Variants in COMMD10 observed in about 807,000 individuals in gnomAD.
COMMD10 encodes COMM domain containing 10.
COMMD10 carries 33 observed loss-of-function variants against 28.9 expected under a neutral mutation model. That is an observed-to-expected ratio of 1.14 (90% CI 0.87 to 1.53). The LOEUF (loss-of-function observed/expected upper bound fraction) is 1.53. Among genes scored for constraint, COMMD10 ranks in the 40% most tolerant of loss-of-function variants. The pLI is 0.00. For synonymous variants in COMMD10, 110 were observed against 81.7 expected, an observed-to-expected ratio of 1.35 and a Z score of -1.87; for missense variants, 310 against 233.4, an observed-to-expected ratio of 1.33 and a Z score of -2.14.
rs555194948 is a variant in COMMD10, at chr5:116,234,868, C to T, written c.511-56649C>T. 5.3e-5 allele frequency among the ~76,000 whole-genome samples: 8 copies of T among 152,172 alleles called. No homozygotes were observed. The South Asian group carries it at 1.0e-3, about 20-fold the overall frequency. On this transcript the variant is annotated intron_variant, in intron 5 of 6. Transcript: ENST00000274458. ...GCACAGGGAAGAGCTCACATGCAGCCGCAGGAGAGCTAGGGAAAAAGGGTG... is the reference window on the plus strand; with the variant it reads ...GCACAGGGAAGAGCTCACATGCAGCTGCAGGAGAGCTAGGGAAAAAGGGTG...
chr5:116,195,640 A>T (rs1387838271), intron 5 of COMMD10, among the ~76,000 whole-genome samples: 1 of 152,160 alleles, frequency 6.6e-6, no homozygotes, highest in African/African-American at 2.4e-5. Context: ...ACTACAAAAG[A>T]CTACTGAAAG....
In COMMD10 at chr5:116,292,460, A is replaced by G. The variant is rs141415135; in HGVS notation, c.580A>G (p.Ile194Val). The change falls in exon 7 of 7, where the codon ATA becomes GTA. Residue 194 changes from isoleucine (I) to valine (V), a missense_variant. By Grantham distance (29) the Ile-to-Val change is conservative. Coordinates refer to ENST00000274458, the MANE Select transcript of COMMD10 (RefSeq NM_016144.4). ...TTGTCTTTGTAAATAGCTAGAGACT[A>G]TACAAGCACAGCTGGATTCCCTTAC... The part of the protein sequence containing the change: ...LFDFYNKLET[I>V]QAQLDSLT 1.6e-5 allele frequency: 25 copies of G among 1,564,966 alleles called. No individual in the cohort carries two copies. The South Asian group carries it at 2.7e-4, about 17-fold the overall frequency.
In COMMD10 at chr5:116,261,131, A is replaced by G. The variant is rs1055218559; in HGVS notation, c.511-30386A>G. 1.3e-5 allele frequency among the ~76,000 whole-genome samples: 2 copies of G among 151,772 alleles called. 1 individual carries two copies. The highest frequency in any genetic ancestry group is 4.9e-5 in the African/African-American group (2 of 41,170). On this transcript the variant is annotated intron_variant, in intron 5 of 6. Transcript: ENST00000274458. ...AGTGCACCTGCATCCAAAACTGAGT[A>G]AAAACATATTTCAGGAAGAAAACTA...
chr5:116,171,007 G>C (rs909774016), intron 5 of COMMD10, among the ~76,000 whole-genome samples: 14 of 152,120 alleles, frequency 9.2e-5, no homozygotes, highest in Admixed American at 8.5e-4. Context: ...AAACTAAAGA[G>C]CTTCTGCACA....
At chr5:116,119,271 G>T (rs1432305138) in intron 4 of COMMD10, among the ~76,000 whole-genome samples, 1 of 152,204 alleles carries the variant, frequency 6.6e-6, no homozygotes, top group Non-Finnish European at 1.5e-5. Flanking sequence ...GACTTTTGTG[G>T]TGTCTAAACT....
chr5:116,285,232 G>A (rs539269645), intron 5 of COMMD10, among the ~76,000 whole-genome samples: 24 of 151,998 alleles, frequency 1.6e-4, no homozygotes, highest in African/African-American at 4.4e-4. Context: ...AAAAGCTACC[G>A]AACTCTTAAA....
chr5:116,193,309 C>G (rs1293141821), intron 5 of COMMD10, among the ~76,000 whole-genome samples: 1 of 152,128 alleles, frequency 6.6e-6, no homozygotes, highest in African/African-American at 2.4e-5. Context: ...GCAGTGGTAC[C>G]TCACATATCA....
chr5:116,111,078 A>G lies in COMMD10; in HGVS notation c.399+18378A>G, dbSNP rs551192384. The stretch of plus-strand genomic sequence containing the variant: ...AGTTTATGAACATGTAGTTGTTCAT[A>G]ATAGTCTCTGATGATCTTTTGAATT... On this transcript the variant is annotated intron_variant, in intron 4 of 6. Coordinates refer to ENST00000274458, the MANE Select transcript of COMMD10 (RefSeq NM_016144.4). Among the ~76,000 whole-genome samples the G allele has an allele frequency of 2.6e-5, 4 of 152,316 alleles. No homozygotes were observed. The East Asian group carries it at 7.7e-4, about 29-fold the overall frequency.
At chr5:116,245,514 A>G (rs1216583283) in intron 5 of COMMD10, among the ~76,000 whole-genome samples, 1 of 152,130 alleles carries the variant, frequency 6.6e-6, no homozygotes, top group Non-Finnish European at 1.5e-5. Context: ...CCCTGATACC[A>G]AAACCTGGCA....
intron 5 of COMMD10, among the ~76,000 whole-genome samples, chr5:116,273,708 C>T (rs1048736541): frequency 6.6e-6 from 1 of 151,606 alleles, no homozygotes; most frequent in African/African-American, 2.4e-5. Context: ...CTGAACAGTC[C>T]AGTTGAAATG....
chr5:116,114,112 G>C (rs560252413), intron 4 of COMMD10, among the ~76,000 whole-genome samples: 1 of 152,220 alleles, frequency 6.6e-6, no homozygotes, highest in Admixed American at 6.5e-5. Flanking sequence ...AGGATGTGGT[G>C]AAATTATGCT....
chr5:116,140,229 C>CTGTGTGTGTGTG lies in COMMD10; in HGVS notation c.510+6052_510+6053insGTGTGTGTGTGT, dbSNP rs113427747. On this transcript the variant is annotated intron_variant, in intron 5 of 6. Transcript: ENST00000274458. ...CCTTTTTCAAGGCTGACTCATACTA[C>CTGTGTGTGTGTG]TATGTGTGTGTGTGTGTGTGTGTGT... Among the ~76,000 whole-genome samples the CTGTGTGTGTGTG allele has an allele frequency of 5.5e-3, 677 of 122,302 alleles. 7 individuals carry two copies. Among genetic ancestry groups the CTGTGTGTGTGTG allele is most frequent in the African/African-American group, 0.026 (609 of 23,250 alleles). The allele number at this position is 122,302 out of a possible 152,430, so 80.2% of individuals were successfully genotyped here.
At chr5:116,202,081 C>T (rs1748682626) in intron 5 of COMMD10, among the ~76,000 whole-genome samples, 1 of 145,672 alleles carries the variant, frequency 6.9e-6, no homozygotes, top group South Asian at 2.2e-4. Flanking sequence ...GTTCCCCTTC[C>T]TGTGTCCATG....
intron 5 of COMMD10, among the ~76,000 whole-genome samples, chr5:116,134,996 A>G (rs1240923022): frequency 6.6e-6 from 1 of 152,224 alleles, no homozygotes; most frequent in Non-Finnish European, 1.5e-5. Context: ...ATTAAAGATC[A>G]AAGCATTGCT....
At chr5:116,186,542 A>G (rs184248156) in intron 5 of COMMD10, among the ~76,000 whole-genome samples, 11 of 152,218 alleles carry the variant, frequency 7.2e-5, no homozygotes, top group African/African-American at 2.4e-4. Flanking sequence ...GATCTTCTGA[A>G]GGAGGTTTAC....
intron 5 of COMMD10, among the ~76,000 whole-genome samples, chr5:116,209,051 T>A (rs1561668162): frequency 6.6e-6 from 1 of 152,172 alleles, no homozygotes; most frequent in Non-Finnish European, 1.5e-5. Flanking sequence ...ATCTGATTCC[T>A]CTTCCATGGC....
rs1385192950 is a variant in COMMD10, at chr5:116,291,558, G to A, written c.552G>A (p.Leu184=). The change falls in exon 6 of 7, where the codon TTG becomes TTA. Residue 184 remains leucine (L), a synonymous_variant. Transcript: ENST00000274458. ...TTGTGGAATTCAGTCACAAGGAGTTGTTTGATTTCTATAACAAGGTCTGTA... is the reference window on the plus strand; with the variant it reads ...TTGTGGAATTCAGTCACAAGGAGTTATTTGATTTCTATAACAAGGTCTGTA... The part of the protein sequence containing the change: ...KVLVEFSHKE[L]FDFYNKLETI... The A allele has an allele frequency of 1.9e-6, 3 of 1,593,812 alleles. No individual in the cohort carries two copies. The highest frequency in any genetic ancestry group is 1.3e-5 in the African/African-American group (1 of 74,486).
chr5:116,151,718 T>C (rs1561633291), intron 5 of COMMD10, among the ~76,000 whole-genome samples: 1 of 152,208 alleles, frequency 6.6e-6, no homozygotes, highest in African/African-American at 2.4e-5. Context: ...CTTTATCATT[T>C]TTGTTGTGTC....
chr5:116,094,578 A>ATAT (rs1471195371), intron 4 of COMMD10, among the ~76,000 whole-genome samples: 1 of 152,218 alleles, frequency 6.6e-6, no homozygotes, highest in East Asian at 1.9e-4. Flanking sequence ...GTGGCAATGT[A>ATAT]TATTAGTACA....
Sources: gnomAD v4.1 joint callset for allele counts (sites outside exome capture counted in the v4.1 genomes callset) on GRCh38, gnomAD v4.1.1 for gene constraint, MANE v1.5 for transcripts, NCBI Gene and HGNC (gene_info 2026-07-23, HGNC 2026-07-21) for gene names.